CFAP74: variants seen among roughly 807,000 people sequenced by gnomAD.
The protein encoded by CFAP74 is cilia and flagella associated protein 74.
In CFAP74, 124 loss-of-function variants were observed where a neutral mutation model predicts 188.9. The observed-to-expected ratio is 0.66, with a 90% CI of 0.57 to 0.76. The LOEUF (loss-of-function observed/expected upper bound fraction) is 0.76. Ranked by LOEUF, CFAP74 falls within the 30% of genes least tolerant of loss-of-function variation. The pLI is 0.00. For missense variants in CFAP74, 2,198 were observed against 2,165.2 expected, an observed-to-expected ratio of 1.02 and a Z score of -0.30; for synonymous variants, 956 against 916.7, an observed-to-expected ratio of 1.04 and a Z score of -0.77.
In CFAP74 at chr1:1,968,487, T is replaced by C. The variant is rs939738741; in HGVS notation, c.1245+148A>G. On this transcript the variant is annotated intron_variant, in intron 11 of 38. Transcript: ENST00000682832. This position sits in a 1 kb window ranked among gnomAD's most constrained non-coding sequence, Gnocchi z 4.3. Reference sequence around the variant, plus strand: ...CTTGTCCCCTTGTCCTTGAGCTGAGTGGCGGCCACTCAGCGGGCTCAGCAA... The same window carrying C: ...CTTGTCCCCTTGTCCTTGAGCTGAGCGGCGGCCACTCAGCGGGCTCAGCAA... The C allele has an allele frequency of 2.9e-6, 2 of 678,736 alleles. No homozygotes were observed. Among genetic ancestry groups the C allele is most frequent in the Non-Finnish European group, 5.2e-6 (2 of 381,708 alleles). 42.0% of individuals were successfully genotyped at this position (678,736 alleles called of 1,614,324 possible).
Position 1,968,564 on chromosome 1 carries a change from C to G in CFAP74, c.1245+71G>C. The G allele has an allele frequency of 7.4e-7, 1 of 1,358,704 alleles. No homozygotes were observed. Among genetic ancestry groups the G allele is most frequent in the South Asian group, 1.3e-5 (1 of 78,470 alleles). The allele number at this position is 1,358,704 out of a possible 1,614,324, so 84.2% of individuals were successfully genotyped here. A position where few individuals can be genotyped will look rare whatever the true frequency, so the allele number is the denominator to read the frequency against. On this transcript the variant is annotated intron_variant, in intron 11 of 38. Coordinates refer to ENST00000682832, the MANE Select transcript of CFAP74 (RefSeq NM_001304360.2). The surrounding 1 kb of genome is among the most constrained non-coding windows in gnomAD (Gnocchi z 4.3). ...GGTCCTCAGAGGATGTCTCACCACA[C>G]CTGAGCCCTGAGGCCCCACCTGCCC...
At chr1:1,959,056 C>G in intron 16 of CFAP74, 64 bp downstream of exon 16, 1 of 1,139,794 alleles carries the variant, frequency 8.8e-7, no homozygotes, top group South Asian at 1.3e-5. Context: ...GAGATGCCGT[C>G]CCCCACTGGG....
At chr1:1,969,350 GCCCAGCCCAGACCTT>G (rs1655749235) in intron 10 of CFAP74, among the ~76,000 whole-genome samples, 1 of 123,148 alleles carries the variant, frequency 8.1e-6, no homozygotes. Context: ...GCCCTGCCCA[GCCCAGCCCAGACCTT>G]CCCAGTCCAG....
Position 1,926,440 on chromosome 1 carries a change from T to C in CFAP74, c.3828+17A>G. 6.5e-7 allele frequency: 1 copy of C among 1,550,172 alleles called. No individual in the cohort carries two copies. The highest frequency in any genetic ancestry group is 1.4e-5 in the African/African-American group (1 of 73,148). On this transcript the variant is annotated intron_variant, in intron 31 of 38. Coordinates refer to ENST00000682832, the MANE Select transcript of CFAP74 (RefSeq NM_001304360.2). The stretch of plus-strand genomic sequence containing the variant: ...CTCCCACCCCGCAGGCCGCCTGAGC[T>C]GGGTGGACAAGGACACGGCCAGATC...
rs369312128 is a variant in CFAP74 at position 1,927,747 on chromosome 1, C to T, written c.3388-1G>A. On this transcript the variant is annotated splice_acceptor_variant, in intron 27 of 38. Coordinates refer to ENST00000682832, the MANE Select transcript of CFAP74 (RefSeq NM_001304360.2). LOFTEE classifies it high-confidence loss of function. ...TCTGGGGGGCCATATTCTTTCGGAA[C>T]TGTGGGGGGAGCGACTGGCTGTGGG... 1 of 1,549,622 alleles carries T rather than the reference C, an allele frequency of 6.5e-7. No individual in the cohort carries two copies. The highest frequency in any genetic ancestry group is 8.7e-7 in the Non-Finnish European group (1 of 1,146,492).
rs774634704 is a variant in CFAP74, at chr1:1,965,047, G to A, written c.1416C>T (p.Asp472=). 22 of 1,612,834 alleles carry A rather than the reference G, an allele frequency of 1.4e-5. No individual in the cohort carries two copies. Among genetic ancestry groups the A allele is most frequent in the Middle Eastern group, 1.7e-4 (1 of 6,052 alleles). ...DYKPYQVPKE[D]VDRKPVGGTK... ...TCCCGCCCACGGGCTTTCGGTCCAC[G>A]TCCTCCTTGGGCACCTGGGGGTCAC... Residue 472 remains aspartate (D), a synonymous_variant, in exon 13 of 39, where the codon GAC becomes GAT. Coordinates refer to ENST00000682832, the MANE Select transcript of CFAP74 (RefSeq NM_001304360.2).
chr1:1,945,438 A>G (rs1653684481), intron 20 of CFAP74, among the ~76,000 whole-genome samples: 1 of 152,150 alleles, frequency 6.6e-6, no homozygotes, highest in Non-Finnish European at 1.5e-5. Context: ...GACTCTGAAC[A>G]CTGTCGAGGA....
rs765318290 is a variant in CFAP74 at position 1,963,727 on chromosome 1, CCT to C, written c.1694+20_1694+21del. 2.0e-6 allele frequency: 3 copies of C among 1,524,100 alleles called. No individual in the cohort carries two copies. The highest frequency in any genetic ancestry group is 1.4e-5 in the African/African-American group (1 of 73,074). 94.4% of individuals were successfully genotyped at this position (1,524,100 alleles called of 1,614,324 possible). A position where few individuals can be genotyped will look rare whatever the true frequency, so the allele number is the denominator to read the frequency against. ...CTGCTGTCCCTGCACCGCGTCCCTC[CCT>C]GTCTGAGCCGTCCTCTTACTCAACG... On this transcript the variant is annotated intron_variant, in intron 14 of 38. Coordinates refer to ENST00000682832, the MANE Select transcript of CFAP74 (RefSeq NM_001304360.2).
At chr1:1,941,911 T>C (rs946958403) in intron 22 of CFAP74, 117 bp downstream of exon 22, 5 of 1,139,032 alleles carry the variant, frequency 4.4e-6, no homozygotes, top group Non-Finnish European at 5.8e-6. Flanking sequence ...AACACATCCC[T>C]GGAGGCTGAT....
At chr1:1,937,632 GC>G (rs1354144815) in intron 25 of CFAP74, among the ~76,000 whole-genome samples, 1 of 152,114 alleles carries the variant, frequency 6.6e-6, no homozygotes, top group Non-Finnish European at 1.5e-5. Context: ...GGCTGTGACT[GC>G]CCCCCAGTGT....
chr1:1,923,317 A>G lies in CFAP74; in HGVS notation c.4522+50T>C, dbSNP rs1651541052. ...GTCTCGGGGCCCCCATCCACGGGAC[A>G]GGGGCACCGGGAGGCCCCGTGTCTG... On this transcript the variant is annotated intron_variant, in intron 36 of 38. Transcript: ENST00000682832. This position sits in a 1 kb window ranked among gnomAD's most constrained non-coding sequence, Gnocchi z 6.3. The G allele has an allele frequency of 6.5e-7, 1 of 1,529,102 alleles. No homozygotes were observed. Among genetic ancestry groups the G allele is most frequent in the Non-Finnish European group, 8.8e-7 (1 of 1,131,714 alleles). 94.7% of individuals were successfully genotyped at this position (1,529,102 alleles called of 1,614,324 possible).
At chr1:1,933,377 A>C (rs1277150289) in intron 25 of CFAP74, among the ~76,000 whole-genome samples, 2 of 147,268 alleles carry the variant, frequency 1.4e-5, no homozygotes, top group African/African-American at 2.5e-5. Context: ...ACAGGGTTTC[A>C]CCATGTTGGC....
intron 33 of CFAP74, 115 bp from the exon 34 acceptor site, chr1:1,924,635 G>T: frequency 8.0e-7 from 1 of 1,243,944 alleles, no homozygotes; most frequent in Non-Finnish European, 1.1e-6. Flanking sequence ...GTGGGGACCC[G>T]GGTGGCCTGA....
chr1:1,946,217 C>A (rs376795407), intron 20 of CFAP74, 100 bp downstream of exon 20: 11 of 1,406,018 alleles, frequency 7.8e-6, no homozygotes, highest in Non-Finnish European at 1.0e-5. Flanking sequence ...GCCATCCCTG[C>A]GTGGGCAAAT....
chr1:1,959,922 C>A, intron 15 of CFAP74, 42 bp downstream of exon 15: 1 of 1,531,316 alleles, frequency 6.5e-7, no homozygotes, highest in South Asian at 1.2e-5. Context: ...CTCCACCCAC[C>A]ACCACCTCCC....
chr1:1,970,929 GCACA>G (rs554779029), intron 9 of CFAP74, 113 bp from the exon 10 acceptor site: 6 of 1,308,378 alleles, frequency 4.6e-6, no homozygotes, highest in African/African-American at 1.5e-5. Context: ...GCACACACGT[GCACA>G]CACACATGCA....
chr1:2,003,573 C>T (rs1299578527), intron 1 of CFAP74, 128 bp downstream of exon 1: 1 of 152,182 alleles, frequency 6.6e-6, no homozygotes. Context: ...GAACTATTAA[C>T]AAAGTCATTT....
At position 1,939,630 on chromosome 1, in the gene CFAP74, G is replaced by A; in HGVS notation, c.2841C>T (p.Leu947=). 1 of 1,536,090 alleles carries A rather than the reference G, an allele frequency of 6.5e-7. No homozygotes were observed. Among genetic ancestry groups the A allele is most frequent in the Non-Finnish European group, 8.7e-7 (1 of 1,146,862 alleles). ...TGACGAACCCGAACTCCTGGGGCAGGAGCGAGTGGTTGTGGAGGCTGATTT... is the reference window on the plus strand; with the variant it reads ...TGACGAACCCGAACTCCTGGGGCAGAAGCGAGTGGTTGTGGAGGCTGATTT... ...RTEISLHNHS[L]LPQEFGFVRL... The change falls in exon 24 of 39, where the codon CTC becomes CTT. Residue 947 remains leucine, a synonymous_variant. Coordinates refer to ENST00000682832, the MANE Select transcript of CFAP74 (RefSeq NM_001304360.2).
At position 1,950,883 on chromosome 1, in the gene CFAP74, A is replaced by C. The variant is rs1397842417; in HGVS notation, c.2177-3829T>G. 3.9e-5 allele frequency among the ~76,000 whole-genome samples: 6 copies of C among 152,100 alleles called. No individual in the cohort carries two copies. The East Asian group carries it at 1.2e-3, about 29-fold the overall frequency. ...TATGTCTAAGAAAAACCTTTGCCTC[A>C]CCTAGGGCCACACATTCTCTCCTGT... is the stretch of plus-strand genomic sequence containing the variant. On this transcript the variant is annotated intron_variant, in intron 18 of 38. Coordinates refer to ENST00000682832, the MANE Select transcript of CFAP74 (RefSeq NM_001304360.2).
Sources: gnomAD v4.1 joint callset for allele counts (sites outside exome capture counted in the v4.1 genomes callset) on GRCh38, gnomAD v4.1.1 for gene constraint, Gnocchi (gnomAD v3.1) non-coding constraint, MANE v1.5 for transcripts, NCBI Gene and HGNC (gene_info 2026-07-23, HGNC 2026-07-21) for gene names.